RSRC1: variants seen among roughly 807,000 people sequenced by gnomAD.
RSRC1 encodes arginine and serine rich coiled-coil 1, also known as serine/Arginine-related protein 53.
Under a neutral mutation model 49.1 loss-of-function variants are expected in RSRC1, and 39 were observed. The observed-to-expected ratio is 0.79, with a 90% confidence interval of 0.61 to 1.04. RSRC1 has a LOEUF of 1.04. RSRC1 is among the 50% of genes least tolerant of loss of function. RSRC1 has a pLI of 0.00. For missense variants in RSRC1, 388 were observed against 402.4 expected, an observed-to-expected ratio of 0.96 and a Z score of 0.31; for synonymous variants, 143 against 130.8, an observed-to-expected ratio of 1.09 and a Z score of -0.63.
intron 3 of RSRC1, among the ~76,000 whole-genome samples, chr3:158,131,594 T>G (rs1716030221): frequency 6.6e-6 from 1 of 152,218 alleles, no homozygotes; most frequent in Admixed American, 6.5e-5. Context: ...CCCAAAATAT[T>G]TCCTGTTGCT....
At chr3:158,321,652 G>A (rs1728770003) in intron 5 of RSRC1, among the ~76,000 whole-genome samples, 1 of 150,958 alleles carries the variant, frequency 6.6e-6, no homozygotes, top group South Asian at 2.1e-4. Flanking sequence ...AGTAATTGTG[G>A]TATTTGCCTT....
At chr3:158,412,980 G>GA (rs1220461340) in intron 6 of RSRC1, among the ~76,000 whole-genome samples, 3 of 151,950 alleles carry the variant, frequency 2.0e-5, no homozygotes, top group Non-Finnish European at 2.9e-5. Flanking sequence ...CACAGAATTA[G>GA]AAAAAACTAC....
At chr3:158,125,350 G>T (rs1192277808) in intron 3 of RSRC1, among the ~76,000 whole-genome samples, 1 of 151,606 alleles carries the variant, frequency 6.6e-6, no homozygotes, top group Middle Eastern at 3.2e-3. Context: ...TTAAATGTAG[G>T]TGTTCATGCT....
At chr3:158,148,248 T>C (rs1717282087) in intron 3 of RSRC1, among the ~76,000 whole-genome samples, 1 of 152,166 alleles carries the variant, frequency 6.6e-6, no homozygotes, top group African/African-American at 2.4e-5. Flanking sequence ...GGTAAACATG[T>C]ATCAATAATT....
intron 4 of RSRC1, among the ~76,000 whole-genome samples, chr3:158,265,640 A>C (rs1203586174): frequency 6.6e-6 from 1 of 151,870 alleles, no homozygotes; most frequent in Non-Finnish European, 1.5e-5. Context: ...TCAAAAAAAA[A>C]AAATTTTACT....
At chr3:158,431,804 A>G (rs1367307283) in intron 6 of RSRC1, among the ~76,000 whole-genome samples, 4 of 151,858 alleles carry the variant, frequency 2.6e-5, no homozygotes, top group African/African-American at 9.7e-5. Flanking sequence ...CCCCTTATAC[A>G]TTTGTGTTAT....
chr3:158,178,579 C>T (rs1038125292), intron 3 of RSRC1, among the ~76,000 whole-genome samples: 1 of 152,118 alleles, frequency 6.6e-6, no homozygotes, highest in Non-Finnish European at 1.5e-5. Context: ...ATTTTCTAAT[C>T]ATTAATTTTT....
intron 4 of RSRC1, chr3:158,225,860 C>A: frequency 3.5e-6 from 1 of 288,850 alleles, no homozygotes; most frequent in Non-Finnish European, 6.8e-6. Context: ...GGAAAACACA[C>A]TAGAGAATGG....
At chr3:158,237,875 T>G (rs1723329676) in intron 4 of RSRC1, among the ~76,000 whole-genome samples, 1 of 152,176 alleles carries the variant, frequency 6.6e-6, no homozygotes, top group Admixed American at 6.5e-5. Context: ...GGCATTGCTG[T>G]CTTGTGCCAG....
chr3:158,490,554 A>T (rs571309909), intron 7 of RSRC1, among the ~76,000 whole-genome samples: 4 of 152,236 alleles, frequency 2.6e-5, no homozygotes, highest in Non-Finnish European at 4.4e-5. Flanking sequence ...AGATATAGTT[A>T]TTCCATTTAG....
At chr3:158,170,927 G>A (rs1382643839) in intron 3 of RSRC1, among the ~76,000 whole-genome samples, 2 of 152,038 alleles carry the variant, frequency 1.3e-5, no homozygotes, top group Non-Finnish European at 1.5e-5. Flanking sequence ...CCAGTCATGT[G>A]GAACTGCATG....
chr3:158,311,970 G>A (rs1728154781), intron 5 of RSRC1, among the ~76,000 whole-genome samples: 1 of 152,030 alleles, frequency 6.6e-6, no homozygotes, highest in Non-Finnish European at 1.5e-5. Context: ...GTAGCATTGA[G>A]AAAGAGTATT....
chr3:158,254,623 G>A (rs1724425232), intron 4 of RSRC1, among the ~76,000 whole-genome samples: 2 of 151,902 alleles, frequency 1.3e-5, no homozygotes, highest in South Asian at 4.2e-4. Context: ...TAGTAGAGAT[G>A]GGGTTTCACC....
intron 7 of RSRC1, among the ~76,000 whole-genome samples, chr3:158,485,523 G>A (rs1307066633): frequency 2.6e-5 from 4 of 152,058 alleles, no homozygotes; most frequent in Non-Finnish European, 5.9e-5. Flanking sequence ...GTCTTTTCCT[G>A]TGAATTAAAA....
intron 3 of RSRC1, among the ~76,000 whole-genome samples, chr3:158,200,548 C>G (rs1331995952): frequency 6.6e-6 from 1 of 151,616 alleles, no homozygotes; most frequent in African/African-American, 2.4e-5. Context: ...TATGTCTTTC[C>G]CTTCTTTTTT....
chr3:158,237,975 A>C (rs144529917), intron 4 of RSRC1, among the ~76,000 whole-genome samples: 1 of 151,410 alleles, frequency 6.6e-6, no homozygotes. Flanking sequence ...GATACGTTTC[A>C]TCAGCCTAAA....
chr3:158,504,527 T>C (rs1312695626), intron 7 of RSRC1, among the ~76,000 whole-genome samples: 1 of 152,196 alleles, frequency 6.6e-6, no homozygotes, highest in East Asian at 1.9e-4. Context: ...ACTTTTTAAA[T>C]TGTATGACCT....
chr3:158,223,891 A>G (rs1166730019), intron 4 of RSRC1, among the ~76,000 whole-genome samples: 11 of 151,566 alleles, frequency 7.3e-5, no homozygotes, highest in Non-Finnish European at 5.9e-5. Context: ...TCTCATTCTC[A>G]TTATTTAGTT....
intron 4 of RSRC1, chr3:158,276,228 C>T (rs562700027): frequency 3.1e-5 from 24 of 776,188 alleles, no homozygotes; most frequent in South Asian, 1.9e-4. Context: ...ATGGCGAATA[C>T]GAATCCTATA....
Sources: allele counts gnomAD v4.1 joint callset (sites outside exome capture counted in the v4.1 genomes callset), GRCh38; gene constraint gnomAD v4.1.1; transcripts MANE v1.5; gene names NCBI Gene and HGNC (gene_info 2026-07-23, HGNC 2026-07-21).